RNGTT: variants seen among roughly 807,000 people sequenced by gnomAD.
RNGTT encodes the protein mRNA-capping enzyme.
In RNGTT, 33 loss-of-function variants were observed where a neutral mutation model predicts 79.3. The observed-to-expected ratio is 0.42, with a 90% CI of 0.32 to 0.56. The LOEUF is 0.56. RNGTT is among the 20% of genes least tolerant of loss of function. RNGTT has a pLI of 0.17. For synonymous variants in RNGTT, 222 were observed against 235.9 expected (o/e 0.94, Z 0.54); for missense variants, 497 against 739.1 (o/e 0.67, Z 3.80).
intron 14 of RNGTT, among the ~76,000 whole-genome samples, chr6:88,648,638 C>T (rs1773676189): frequency 6.6e-6 from 1 of 152,104 alleles, no homozygotes; most frequent in Non-Finnish European, 1.5e-5. Context: ...TCTGTCCATC[C>T]TTTTATTTCT....
intron 4 of RNGTT, among the ~76,000 whole-genome samples, chr6:88,913,396 A>AAAAAC (rs1406430363): frequency 4.1e-4 from 63 of 152,190 alleles, no homozygotes; most frequent in Middle Eastern, 6.8e-3. Flanking sequence ...AATCTGGCAA[A>AAAAAC]AACACAACAA....
At chr6:88,797,179 A>G (rs1779626871) in intron 12 of RNGTT, among the ~76,000 whole-genome samples, 2 of 152,174 alleles carry the variant, frequency 1.3e-5, no homozygotes, top group Non-Finnish European at 1.5e-5. Flanking sequence ...GGGAGGCTTG[A>G]TTTATTACGA....
At chr6:88,961,268 G>A (rs1455352793) in intron 1 of RNGTT, among the ~76,000 whole-genome samples, 7 of 152,022 alleles carry the variant, frequency 4.6e-5, no homozygotes, top group Non-Finnish European at 1.0e-4. Context: ...ACAACCTATT[G>A]TGGGACCTTG....
intron 14 of RNGTT, among the ~76,000 whole-genome samples, chr6:88,628,193 G>A (rs949082629): frequency 5.9e-5 from 9 of 151,974 alleles, no homozygotes; most frequent in East Asian, 1.9e-4. Context: ...CAGGTATAGC[G>A]GCTATTTAAA....
At position 88,737,555 on chromosome 6, in the gene RNGTT, C is replaced by T. The variant is rs535615065; in HGVS notation, c.1439+32219G>A. 5.3e-5 allele frequency among the ~76,000 whole-genome samples: 8 copies of T among 152,254 alleles called. No homozygotes were observed. In the South Asian group the frequency reaches 8.3e-4, roughly 16 times the overall value. ...ACGCCCTTAGCTATATTTGAAAATA[C>T]GGCCTCTTACGAAGTAATTAAGAGT... On this transcript the variant is annotated intron_variant, in intron 13 of 15. Coordinates refer to ENST00000369485, the MANE Select transcript of RNGTT (RefSeq NM_003800.5).
intron 13 of RNGTT, among the ~76,000 whole-genome samples, chr6:88,711,083 T>G (rs1776302714): frequency 6.6e-6 from 1 of 152,176 alleles, no homozygotes; most frequent in Admixed American, 6.5e-5. Context: ...TCTTTCAACA[T>G]CCAGTCTTTG....
At chr6:88,687,946 A>C (rs968599288) in intron 13 of RNGTT, among the ~76,000 whole-genome samples, 5 of 152,192 alleles carry the variant, frequency 3.3e-5, no homozygotes, top group Non-Finnish European at 5.9e-5. Flanking sequence ...CCAAACGATC[A>C]ATTAAAATCA....
At chr6:88,894,498 A>C (rs1783162073) in intron 6 of RNGTT, among the ~76,000 whole-genome samples, 1 of 152,164 alleles carries the variant, frequency 6.6e-6, no homozygotes, top group South Asian at 2.1e-4. Context: ...ACCTAACATA[A>C]ACAGCTTAGT....
intron 14 of RNGTT, among the ~76,000 whole-genome samples, chr6:88,660,927 G>C (rs1010195373): frequency 2.6e-5 from 4 of 152,032 alleles, no homozygotes; most frequent in African/African-American, 9.7e-5. Context: ...CACAAAACAA[G>C]TCTCAATAAA....
intron 12 of RNGTT, among the ~76,000 whole-genome samples, chr6:88,783,830 C>T (rs1025750408): frequency 6.6e-6 from 1 of 152,146 alleles, no homozygotes; most frequent in African/African-American, 2.4e-5. Flanking sequence ...AATGTCCCCA[C>T]ATACTGTCAA....
chr6:88,626,482 G>C (rs1273595296), intron 14 of RNGTT, among the ~76,000 whole-genome samples: 1 of 152,022 alleles, frequency 6.6e-6, no homozygotes, highest in Non-Finnish European at 1.5e-5. Flanking sequence ...TCACTTGGAA[G>C]AGTCTAAAGG....
intron 13 of RNGTT, among the ~76,000 whole-genome samples, chr6:88,685,652 A>C (rs543105059): frequency 6.6e-6 from 1 of 152,186 alleles, no homozygotes; most frequent in South Asian, 2.1e-4. Context: ...TTTAATATTA[A>C]ATAACTCACC....
At chr6:88,946,206 C>A (rs1415777747) in intron 1 of RNGTT, among the ~76,000 whole-genome samples, 1 of 152,148 alleles carries the variant, frequency 6.6e-6, no homozygotes, top group Non-Finnish European at 1.5e-5. Flanking sequence ...CACAATAGTT[C>A]AAGCTTTTTT....
rs1773802429 is a variant in RNGTT at position 88,651,649 on chromosome 6, G to A, written c.1506+26704C>T. ...TTTCCAAAAATATATCAATATGGTT[G>A]TAACATTTCACAATAAGATGTAAAA... On this transcript the variant is annotated intron_variant, in intron 14 of 15. Coordinates refer to ENST00000369485, the MANE Select transcript of RNGTT (RefSeq NM_003800.5). Among the ~76,000 whole-genome samples the A allele has an allele frequency of 2.0e-5, 3 of 151,968 alleles. No individual in the cohort carries two copies. In the South Asian group the frequency reaches 6.2e-4, roughly 32 times the overall value.
chr6:88,728,039 G>T (rs1406127646), intron 13 of RNGTT, among the ~76,000 whole-genome samples: 1 of 152,060 alleles, frequency 6.6e-6, no homozygotes, highest in African/African-American at 2.4e-5. Flanking sequence ...AAAGGGGATG[G>T]ACTCATCACA....
chr6:88,853,236 A>C (rs1781728314), intron 9 of RNGTT, among the ~76,000 whole-genome samples: 1 of 152,238 alleles, frequency 6.6e-6, no homozygotes. Flanking sequence ...GGCTGGGCGC[A>C]GTGGCTCATG....
At chr6:88,801,701 C>A in intron 11 of RNGTT, 69 bp from the exon 12 acceptor site, 1 of 1,053,026 alleles carries the variant, frequency 9.5e-7, no homozygotes, top group Non-Finnish European at 1.4e-6. Context: ...AAACTTCTTG[C>A]TAAGCTTTAT....
chr6:88,736,183 A>AATT (rs3046938), intron 13 of RNGTT, among the ~76,000 whole-genome samples: 19,752 of 152,194 alleles, frequency 0.13, 1,445 homozygotes, highest in Middle Eastern at 0.23. Context: ...TTGAACCTAT[A>AATT]ATTAACCTTT....
chr6:88,654,592 T>C (rs974719796), intron 14 of RNGTT, among the ~76,000 whole-genome samples: 1 of 150,080 alleles, frequency 6.7e-6, no homozygotes, highest in African/African-American at 2.5e-5. Flanking sequence ...ATCTTTTCCT[T>C]CCTCCCTCTT....
Sources: allele counts gnomAD v4.1 joint callset (sites outside exome capture counted in the v4.1 genomes callset), GRCh38; gene constraint gnomAD v4.1.1; transcripts MANE v1.5; gene names NCBI Gene and HGNC (gene_info 2026-07-23, HGNC 2026-07-21).